PDZRN4: variants seen among roughly 807,000 people sequenced by gnomAD.
PDZRN4 encodes the protein PDZ domain-containing RING finger protein 4.
In PDZRN4, 70 loss-of-function variants were observed where a neutral mutation model predicts 99.0. The observed-to-expected ratio is 0.71, with a 90% CI of 0.58 to 0.86. The LOEUF (loss-of-function observed/expected upper bound fraction) is 0.86. PDZRN4 is among the 40% of genes least tolerant of loss of function. The pLI is 0.00. For missense variants in PDZRN4, 1,474 were observed against 1,331.2 expected (o/e 1.11, Z -1.67); for synonymous variants, 551 against 501.6 (o/e 1.10, Z -1.32).
chr12:41,378,642 C>G (rs1312642247), intron 3 of PDZRN4, among the ~76,000 whole-genome samples: 2 of 149,716 alleles, frequency 1.3e-5, no homozygotes, highest in African/African-American at 4.9e-5. Context: ...CTTGCCTCAG[C>G]CTCCCAAGTA....
chr12:41,536,468 G>T (rs1339642700), intron 5 of PDZRN4, among the ~76,000 whole-genome samples: 1 of 152,158 alleles, frequency 6.6e-6, no homozygotes, highest in Admixed American at 6.5e-5. Context: ...TTTCAGGGCA[G>T]TGAAACTGTT....
At chr12:41,277,934 G>A (rs73120988) in intron 3 of PDZRN4, among the ~76,000 whole-genome samples, 6,531 of 152,240 alleles carry the variant, frequency 0.043, 198 homozygotes, top group Non-Finnish European at 0.061. Context: ...GGAATAAAAA[G>A]GATATTAGTT....
intron 3 of PDZRN4, among the ~76,000 whole-genome samples, chr12:41,458,161 G>T (rs748141091): frequency 1.7e-4 from 26 of 152,122 alleles, no homozygotes; most frequent in African/African-American, 4.6e-4. Context: ...GACTTTTTTT[G>T]TGTGTGTGTA....
chr12:41,383,170 T>G (rs1169091968), intron 3 of PDZRN4, among the ~76,000 whole-genome samples: 1 of 152,198 alleles, frequency 6.6e-6, no homozygotes, highest in Non-Finnish European at 1.5e-5. Flanking sequence ...GCCTTTTTGC[T>G]CTTTAGAGCA....
intron 7 of PDZRN4, 104 bp from the exon 8 acceptor site, chr12:41,563,444 C>T: frequency 2.4e-6 from 2 of 816,762 alleles, no homozygotes; most frequent in Non-Finnish European, 4.0e-6. Flanking sequence ...ATTGTGTGAG[C>T]TTCATTGTCC....
chr12:41,193,585 C>T (rs934356007), intron 2 of PDZRN4, among the ~76,000 whole-genome samples: 57 of 152,128 alleles, frequency 3.7e-4, no homozygotes, highest in African/African-American at 1.3e-3. Context: ...GAGTAAGCTA[C>T]CAGTGTCTCT....
intron 5 of PDZRN4, among the ~76,000 whole-genome samples, chr12:41,551,715 C>T (rs1939059532): frequency 6.6e-6 from 1 of 152,142 alleles, no homozygotes; most frequent in Admixed American, 6.5e-5. Context: ...CATTGTTCTT[C>T]TTCATCCAAT....
chr12:41,410,341 A>G (rs1387830471), intron 3 of PDZRN4, among the ~76,000 whole-genome samples: 1 of 152,206 alleles, frequency 6.6e-6, no homozygotes, highest in Non-Finnish European at 1.5e-5. Flanking sequence ...ACTCACAGAT[A>G]CATACATACA....
intron 3 of PDZRN4, among the ~76,000 whole-genome samples, chr12:41,285,138 A>T (rs1951414305): frequency 6.6e-6 from 1 of 152,068 alleles, no homozygotes; most frequent in African/African-American, 2.4e-5. Flanking sequence ...AGAATCTACA[A>T]AGAACTTAAA....
chr12:41,439,982 G>A (rs1013805707), intron 3 of PDZRN4, among the ~76,000 whole-genome samples: 10 of 152,230 alleles, frequency 6.6e-5, no homozygotes, highest in South Asian at 2.1e-4. Context: ...CTGGAGCCCC[G>A]TGTGGTGCTG....
intron 3 of PDZRN4, among the ~76,000 whole-genome samples, chr12:41,275,278 C>T (rs556123331): frequency 2.4e-4 from 36 of 152,168 alleles, no homozygotes; most frequent in Non-Finnish European, 3.1e-4. Flanking sequence ...AATTAGCATT[C>T]TTCCCCATCA....
chr12:41,482,950 G>A (rs1356980700), intron 3 of PDZRN4, among the ~76,000 whole-genome samples: 1 of 151,788 alleles, frequency 6.6e-6, no homozygotes, highest in Non-Finnish European at 1.5e-5. Flanking sequence ...TTAATATTAT[G>A]CAATTATTTG....
chr12:41,432,301 A>G (rs1253702194), intron 3 of PDZRN4, among the ~76,000 whole-genome samples: 1 of 152,252 alleles, frequency 6.6e-6, no homozygotes. Flanking sequence ...TATGGATTTG[A>G]ATCAAACTAA....
At chr12:41,448,796 A>T (rs1952750976) in intron 3 of PDZRN4, among the ~76,000 whole-genome samples, 1 of 152,168 alleles carries the variant, frequency 6.6e-6, no homozygotes, top group Non-Finnish European at 1.5e-5. Context: ...CAGCTGGGGG[A>T]GCGGGATTGA....
Position 41,573,419 on chromosome 12 carries a change from G to A in PDZRN4, c.2640G>A (p.Gln880=). The change falls in exon 10 of 10, where the codon CAG becomes CAA. Residue 880 remains glutamine (Q), a synonymous_variant. Transcript: ENST00000402685. ...LSLVSMCKES[Q]KCSEPKMEWK... ...TGGTGAGCATGTGCAAGGAGTCTCAGAAGTGTTCAGAGCCCAAGATGGAAT... is the reference window on the plus strand; with the variant it reads ...TGGTGAGCATGTGCAAGGAGTCTCAAAAGTGTTCAGAGCCCAAGATGGAAT... 1 of 1,613,770 alleles carries A rather than the reference G, an allele frequency of 6.2e-7. No individual in the cohort carries two copies. Among genetic ancestry groups the A allele is most frequent in the Admixed American group, 1.7e-5 (1 of 60,022 alleles).
At chr12:41,298,829 G>A (rs1951512589) in intron 3 of PDZRN4, among the ~76,000 whole-genome samples, 1 of 152,046 alleles carries the variant, frequency 6.6e-6, no homozygotes, top group Non-Finnish European at 1.5e-5. Flanking sequence ...AAGATTTGGG[G>A]AGAATATTCT....
At chr12:41,312,148 C>T (rs1314901595) in intron 3 of PDZRN4, among the ~76,000 whole-genome samples, 5 of 151,898 alleles carry the variant, frequency 3.3e-5, no homozygotes, top group African/African-American at 1.2e-4. Flanking sequence ...CAGTGCATTC[C>T]ATTTTGTCCA....
At chr12:41,235,154 G>A (rs1334045080) in intron 3 of PDZRN4, among the ~76,000 whole-genome samples, 5 of 152,068 alleles carry the variant, frequency 3.3e-5, no homozygotes, top group Non-Finnish European at 1.5e-5. Context: ...TTGGAGATGA[G>A]CACTGTAATT....
chr12:41,514,629 C>T (rs1938368516), intron 5 of PDZRN4, among the ~76,000 whole-genome samples: 1 of 151,984 alleles, frequency 6.6e-6, no homozygotes, highest in Admixed American at 6.6e-5. Flanking sequence ...AGTGGGTGCT[C>T]AACGCATATT....
Sources: allele counts gnomAD v4.1 joint callset (sites outside exome capture counted in the v4.1 genomes callset), GRCh38; gene constraint gnomAD v4.1.1; transcripts MANE v1.5; gene names NCBI Gene and HGNC (gene_info 2026-07-23, HGNC 2026-07-21).